The following HHAT variants were observed in gnomAD, a reference collection of about 807,000 sequenced individuals.
HHAT encodes the protein hedgehog acyltransferase, also known as protein-cysteine N-palmitoyltransferase HHAT.
HHAT carries 47 observed loss-of-function variants against 70.8 expected under a neutral mutation model. The observed-to-expected ratio is 0.66, with a 90% CI of 0.53 to 0.85. The LOEUF (loss-of-function observed/expected upper bound fraction) is 0.85. Among genes scored for constraint, HHAT ranks in the 40% least tolerant of loss-of-function variants. The pLI is 0.00. For missense variants in HHAT, 609 were observed against 604.8 expected (o/e 1.01, Z -0.07); for synonymous variants, 228 against 247.6 (o/e 0.92, Z 0.74).
At chr1:210,426,585 A>G (rs547218260) in intron 7 of HHAT, among the ~76,000 whole-genome samples, 2 of 152,298 alleles carry the variant, frequency 1.3e-5, no homozygotes, top group South Asian at 2.1e-4. Flanking sequence ...CTTTTTCTGC[A>G]TCTATTGAGA....
rs570618135 is a variant in HHAT, at chr1:210,454,121, G to A, written c.857-10384G>A. ...GGCCCCCGTGATTCATTTACCTCCCGCTGGGTTCCTCCTGCAACACATGGG... is the reference window on the plus strand; with the variant it reads ...GGCCCCCGTGATTCATTTACCTCCCACTGGGTTCCTCCTGCAACACATGGG... On this transcript the variant is annotated intron_variant, in intron 7 of 11. Transcript: ENST00000261458. Among the ~76,000 whole-genome samples the A allele has an allele frequency of 1.4e-4, 21 of 152,246 alleles. 1 individual carries two copies. The highest frequency in any genetic ancestry group is 1.0e-3 in the South Asian group (5 of 4,828).
intron 7 of HHAT, among the ~76,000 whole-genome samples, chr1:210,431,511 T>G (rs1286787161): frequency 2.6e-5 from 4 of 152,034 alleles, no homozygotes; most frequent in African/African-American, 7.3e-5. Flanking sequence ...TTCTTAGGTG[T>G]TCTCCATTGG....
chr1:210,359,458 T>C (rs1004651648), intron 2 of HHAT, among the ~76,000 whole-genome samples: 3 of 152,168 alleles, frequency 2.0e-5, no homozygotes, highest in African/African-American at 7.2e-5. Context: ...GCAGACTTTG[T>C]ACTGGAGAGA....
chr1:210,587,190 C>A (rs1470379359), intron 9 of HHAT, among the ~76,000 whole-genome samples: 1 of 152,170 alleles, frequency 6.6e-6, no homozygotes, highest in African/African-American at 2.4e-5. Flanking sequence ...TGAAGAAATA[C>A]CCAAGATTGG....
At chr1:210,540,008 G>A (rs914635148) in intron 9 of HHAT, among the ~76,000 whole-genome samples, 3 of 152,170 alleles carry the variant, frequency 2.0e-5, no homozygotes, top group African/African-American at 7.2e-5. Context: ...ATAAAGAAGT[G>A]CGAAGGGATT....
chr1:210,550,967 C>T (rs1375669722), intron 9 of HHAT, among the ~76,000 whole-genome samples: 1 of 148,628 alleles, frequency 6.7e-6, no homozygotes, highest in Non-Finnish European at 1.5e-5. Context: ...CACTCCTGGC[C>T]CAGAAGTGAT....
intron 11 of HHAT, among the ~76,000 whole-genome samples, chr1:210,659,051 T>C (rs1677077884): frequency 7.1e-6 from 1 of 141,558 alleles, no homozygotes; most frequent in Admixed American, 7.1e-5. Context: ...AGCAAACACA[T>C]TCAAAAGCTA....
At chr1:210,649,909 A>C (rs1674790543) in intron 11 of HHAT, among the ~76,000 whole-genome samples, 1 of 152,212 alleles carries the variant, frequency 6.6e-6, no homozygotes, top group Non-Finnish European at 1.5e-5. Flanking sequence ...ATACCTGCAT[A>C]GGCTACTCAT....
chr1:210,575,567 G>C (rs1473821824), intron 9 of HHAT, among the ~76,000 whole-genome samples: 2 of 152,330 alleles, frequency 1.3e-5, no homozygotes, highest in Non-Finnish European at 1.5e-5. Context: ...AGAAACCCCA[G>C]GGAGGGAAAC....
In HHAT at chr1:210,513,181, T is replaced by A; in HGVS notation, c.1036T>A (p.Leu346Ile). 6.6e-7 allele frequency: 1 copy of A among 1,508,886 alleles called. No individual in the cohort carries two copies. The highest frequency in any genetic ancestry group is 9.2e-7 in the Non-Finnish European group (1 of 1,089,278). 93.5% of individuals were successfully genotyped at this position (1,508,886 alleles called of 1,614,324 possible). A position where few individuals can be genotyped will look rare whatever the true frequency, so the allele number is the denominator to read the frequency against. Reference protein sequence around the residue: ...RYFDVGLHNFLIRYVYIPVGG... With the variant: ...RYFDVGLHNFIIRYVYIPVGG... ...TTTTGATGTTGGACTGCATAATTTC[T>A]TAATCAGGTAAGCCAATAATTTTTA... The change falls in exon 9 of 12, where the codon TTA becomes ATA. Residue 346 changes from leucine to isoleucine, a missense_variant. Coordinates refer to ENST00000261458, the MANE Select transcript of HHAT (RefSeq NM_018194.6).
Position 210,664,687 on chromosome 1 carries a change from C to T in HHAT, c.1391-9601C>T, listed in dbSNP as rs942654855. ...CAAATGGCAGGGCACAGGCATGGAC[C>T]AGTGGATCCAAAGAGATGGTGGCAA... On this transcript the variant is annotated intron_variant, in intron 11 of 11. Transcript: ENST00000261458. Among the ~76,000 whole-genome samples, 3 of 147,198 alleles carry T rather than the reference C, an allele frequency of 2.0e-5. No homozygotes were observed. In the Admixed American group the frequency reaches 2.1e-4, roughly 10 times the overall value.
At chr1:210,450,486 T>G (rs1313560838) in intron 7 of HHAT, among the ~76,000 whole-genome samples, 1 of 152,034 alleles carries the variant, frequency 6.6e-6, no homozygotes, top group Non-Finnish European at 1.5e-5. Context: ...AAAATTATTT[T>G]GTATCTTATT....
chr1:210,606,708 T>G (rs1381889536), intron 10 of HHAT, among the ~76,000 whole-genome samples: 1 of 152,178 alleles, frequency 6.6e-6, no homozygotes, highest in Non-Finnish European at 1.5e-5. Flanking sequence ...AGTAGCTTTT[T>G]AAGAAAAAGG....
At chr1:210,507,359 CTTTTT>C (rs927392992) in intron 8 of HHAT, among the ~76,000 whole-genome samples, 1 of 122,524 alleles carries the variant, frequency 8.2e-6, no homozygotes, top group Non-Finnish European at 1.7e-5. Context: ...TTTCTTTTTT[CTTTTT>C]TTTTTTTTTT....
chr1:210,649,356 A>G (rs1293736684), intron 11 of HHAT, among the ~76,000 whole-genome samples: 1 of 152,258 alleles, frequency 6.6e-6, no homozygotes, highest in Non-Finnish European at 1.5e-5. Flanking sequence ...GCATGGCTTC[A>G]CAAAATAAGC....
intron 9 of HHAT, among the ~76,000 whole-genome samples, chr1:210,526,267 C>T (rs1373460571): frequency 6.6e-6 from 1 of 152,052 alleles, no homozygotes; most frequent in Non-Finnish European, 1.5e-5. Context: ...AATTTGTCAA[C>T]AGTTCCTGAC....
intron 7 of HHAT, among the ~76,000 whole-genome samples, chr1:210,436,494 C>G (rs2093378873): frequency 6.6e-6 from 1 of 151,590 alleles, no homozygotes; most frequent in Non-Finnish European, 1.5e-5. Context: ...TTTTCTATTT[C>G]TGTGAAGACC....
intron 3 of HHAT, among the ~76,000 whole-genome samples, chr1:210,365,818 G>T (rs753176825): frequency 6.6e-6 from 1 of 150,510 alleles, no homozygotes; most frequent in Admixed American, 6.6e-5. Context: ...GTTTCACCAC[G>T]TTGGCTAGGC....
intron 11 of HHAT, among the ~76,000 whole-genome samples, chr1:210,643,150 G>A (rs934759902): frequency 1.3e-5 from 2 of 152,134 alleles, no homozygotes; most frequent in African/African-American, 4.8e-5. Flanking sequence ...TAAATCAAAT[G>A]TCCATGGTCT....
Sources: allele counts gnomAD v4.1 joint callset (sites outside exome capture counted in the v4.1 genomes callset), GRCh38; gene constraint gnomAD v4.1.1; transcripts MANE v1.5; gene names NCBI Gene and HGNC (gene_info 2026-07-23, HGNC 2026-07-21).